The following HACL1 variants were observed in gnomAD, a reference collection of about 807,000 sequenced individuals.
The protein encoded by HACL1 is 2-hydroxyacyl-CoA lyase 1.
Under a neutral mutation model 74.2 loss-of-function variants are expected in HACL1, and 64 were observed. The observed-to-expected ratio is 0.86, with a 90% CI of 0.70 to 1.06. The LOEUF (loss-of-function observed/expected upper bound fraction) is 1.06, where lower values mean the gene tolerates loss of function less well. HACL1 is among the 50% of genes least tolerant of loss of function. The pLI is 0.00. For missense variants in HACL1, 728 were observed against 719.7 expected (o/e 1.01, Z -0.13); for synonymous variants, 230 against 238.8 (o/e 0.96, Z 0.34).
chr3:15,601,526 C>A lies in HACL1; in HGVS notation c.-63G>T, dbSNP rs192164652. On this transcript the variant is annotated 5_prime_UTR_variant, in exon 1 of 17. Transcript: ENST00000321169. ...AAACAAGCGGAATCATCCAGCAAGG[C>A]AAACGCGAAATCGGCAGCACGCCAC... 1.2e-4 allele frequency: 190 copies of A among 1,608,464 alleles called. No individual in the cohort carries two copies. The highest frequency in any genetic ancestry group is 1.6e-4 in the Middle Eastern group (1 of 6,082).
chr3:15,564,603 A>G lies in HACL1; in HGVS notation c.1465T>C (p.Phe489Leu). The change falls in exon 15 of 17, where the codon TTT becomes CTT. Residue 489 changes from phenylalanine (F) to leucine (L), a missense_variant. Physicochemically the swap from Phe to Leu is conservative, Grantham distance 22 (BLOSUM62 0). Coordinates refer to ENST00000321169, the MANE Select transcript of HACL1 (RefSeq NM_012260.4). ...VVNNNGIYQG[F>L]DTDTWKEMLK... is the part of the protein sequence containing the mutation. ...ATTTCTTTCCAAGTATCTGTATCAA[A>G]ACCTTGGTAAATTCCATTGTTATTC... The G allele has an allele frequency of 6.3e-7, 1 of 1,582,756 alleles. No homozygotes were observed. The highest frequency in any genetic ancestry group is 8.7e-7 in the Non-Finnish European group (1 of 1,153,966).
intron 7 of HACL1, among the ~76,000 whole-genome samples, chr3:15,583,348 T>A (rs925062858): frequency 3.3e-5 from 5 of 152,218 alleles, no homozygotes; most frequent in African/African-American, 1.2e-4. Flanking sequence ...AAATGGCCAA[T>A]TCATTAACAG....
At position 15,586,713 on chromosome 3, in the gene HACL1, A is replaced by G. The variant is rs2063801504; in HGVS notation, c.382-111T>C. The G allele has an allele frequency of 4.5e-6, 3 of 673,912 alleles. No individual in the cohort carries two copies. In the South Asian group the frequency reaches 5.3e-5, roughly 12 times the overall value. The allele number at this position is 673,912 out of a possible 1,614,324, so 41.7% of individuals were successfully genotyped here. On this transcript the variant is annotated intron_variant, in intron 5 of 16. Coordinates refer to ENST00000321169, the MANE Select transcript of HACL1 (RefSeq NM_012260.4). Reference sequence around the variant, plus strand: ...TCTTTTATGTTTAGAGGCAAGATGGAGAAAATATATTGCCTAGACTGTCCC... The same window carrying G: ...TCTTTTATGTTTAGAGGCAAGATGGGGAAAATATATTGCCTAGACTGTCCC...
intron 3 of HACL1, among the ~76,000 whole-genome samples, chr3:15,593,794 G>GTTTTTTTTTTT (rs1559563174): frequency 8.6e-6 from 1 of 116,654 alleles, no homozygotes; most frequent in Admixed American, 8.5e-5. Context: ...TTTTTTTTTT[G>GTTTTTTTTTTT]TCTTTTTTTT....
In HACL1 at chr3:15,585,278, A is replaced by C; in HGVS notation, c.524T>G (p.Val175Gly). Residue 175 changes from valine (V) to glycine (G), a missense_variant, in exon 7 of 17, where the codon GTG becomes GGG. Val to Gly is a moderately radical substitution (Grantham distance 109). Transcript: ENST00000321169. ...ACYVDIPADF[V>G]NLQVNVNSIK... ...AGAATTCACATTCACCTGAAGGTTC[A>C]CAAAATCTGCTGGTATGTCAACATA... 1.3e-6 allele frequency: 2 copies of C among 1,599,488 alleles called. No individual in the cohort carries two copies. Among genetic ancestry groups the C allele is most frequent in the Non-Finnish European group, 1.7e-6 (2 of 1,166,698 alleles).
At position 15,596,414 on chromosome 3, in the gene HACL1, G is replaced by A; in HGVS notation, c.197C>T (p.Ala66Val). 6.3e-7 allele frequency: 1 copy of A among 1,597,364 alleles called. No individual in the cohort carries two copies. Among genetic ancestry groups the A allele is most frequent in the Non-Finnish European group, 8.6e-7 (1 of 1,164,932 alleles). ...TGTCAGATATCCAATCGCGGAGGCA[G>A]CATAACAAGCCTACGAGAAAACAAC... ...GMRNEQAACY[A>V]ASAIGYLTSR... is the part of the protein sequence containing the mutation. Residue 66 changes from alanine (A) to valine (V), a missense_variant, in exon 3 of 17, where the codon GCT (alanine) becomes GTT (valine). Transcript: ENST00000321169.
intron 3 of HACL1, among the ~76,000 whole-genome samples, chr3:15,595,196 CATTA>C (rs1417523919): frequency 6.6e-6 from 1 of 151,958 alleles, no homozygotes; most frequent in African/African-American, 2.4e-5. Context: ...TACATTAAGG[CATTA>C]ATTAATAACT....
chr3:15,579,593 T>G (rs1415191129), intron 9 of HACL1, among the ~76,000 whole-genome samples: 1 of 152,254 alleles, frequency 6.6e-6, no homozygotes, highest in South Asian at 2.1e-4. Flanking sequence ...ATATTCAAGA[T>G]TTGAGAATCC....
chr3:15,592,306 A>G (rs1373273362), intron 3 of HACL1, among the ~76,000 whole-genome samples: 1 of 143,796 alleles, frequency 7.0e-6, no homozygotes, highest in Admixed American at 7.2e-5. Flanking sequence ...ATACGTATAT[A>G]TATGTATACA....
chr3:15,585,839 T>C (rs918197403), intron 6 of HACL1, among the ~76,000 whole-genome samples: 3 of 152,176 alleles, frequency 2.0e-5, no homozygotes, highest in African/African-American at 7.2e-5. Flanking sequence ...TCTTCCAAAA[T>C]GTGAAACTTA....
intron 12 of HACL1, among the ~76,000 whole-genome samples, chr3:15,570,253 T>C (rs1347235153): frequency 6.6e-6 from 1 of 150,850 alleles, no homozygotes; most frequent in Non-Finnish European, 1.5e-5. Flanking sequence ...GAGAATTGCT[T>C]AAACCTGCGA....
intron 16 of HACL1, among the ~76,000 whole-genome samples, chr3:15,562,645 G>A (rs1352905227): frequency 6.6e-6 from 1 of 152,142 alleles, no homozygotes; most frequent in Admixed American, 6.6e-5. Flanking sequence ...GGTTATATGA[G>A]GCGGCAAGTG....
At chr3:15,588,681 T>C (rs1366395926) in intron 5 of HACL1, among the ~76,000 whole-genome samples, 1 of 152,162 alleles carries the variant, frequency 6.6e-6, no homozygotes, top group Non-Finnish European at 1.5e-5. Flanking sequence ...ACATTTGGGC[T>C]CCAGCAATTC....
intron 5 of HACL1, among the ~76,000 whole-genome samples, chr3:15,587,608 GT>G (rs1213200902): frequency 2.6e-5 from 4 of 152,082 alleles, no homozygotes. Context: ...CATTTATCCT[GT>G]TTTCTTTTTC....
chr3:15,586,466 A>G (rs1332863946), intron 6 of HACL1, 59 bp downstream of exon 6: 1 of 854,212 alleles, frequency 1.2e-6, no homozygotes, highest in Non-Finnish European at 2.0e-6. Context: ...AAATAACAGT[A>G]AGTATGAGCA....
Position 15,568,438 on chromosome 3 carries a change from C to A in HACL1, c.1244G>T (p.Arg415Leu), listed in dbSNP as rs756546304. 6 of 1,579,320 alleles carry A rather than the reference C, an allele frequency of 3.8e-6. No homozygotes were observed. In the Admixed American group the frequency reaches 5.5e-5, roughly 15 times the overall value. ...GRTVLQNYLP[R>L]HRLDAGTFGT... Reference sequence around the variant, plus strand: ...TCTTCTTTAGAAGTCTTACCTGTGACGAGGAAGGTAGTTCTGAAGCACAGT... The same window carrying A: ...TCTTCTTTAGAAGTCTTACCTGTGAAGAGGAAGGTAGTTCTGAAGCACAGT... Residue 415 changes from arginine (R) to leucine (L), a missense_variant, in exon 13 of 17, where the codon CGT (arginine) becomes CTT (leucine). Physicochemically the swap from Arg to Leu is moderately radical, Grantham distance 102. Transcript: ENST00000321169.
At chr3:15,580,598 T>C (rs1458075582) in intron 8 of HACL1, among the ~76,000 whole-genome samples, 1 of 152,222 alleles carries the variant, frequency 6.6e-6, no homozygotes, top group Non-Finnish European at 1.5e-5. Context: ...CTCACAGCTC[T>C]TGCTACTGTC....
intron 10 of HACL1, among the ~76,000 whole-genome samples, chr3:15,574,098 G>A (rs936194885): frequency 2.6e-5 from 4 of 152,208 alleles, no homozygotes; most frequent in African/African-American, 9.6e-5. Flanking sequence ...AAGCACAGTG[G>A]CTCAAGTCTG....
chr3:15,563,975 A>T (rs2063389538), intron 15 of HACL1, among the ~76,000 whole-genome samples: 1 of 150,282 alleles, frequency 6.7e-6, no homozygotes, highest in African/African-American at 2.5e-5. Flanking sequence ...GAAAAACATG[A>T]AAAAAAAAGA....
Sources: allele counts gnomAD v4.1 joint callset (sites outside exome capture counted in the v4.1 genomes callset), GRCh38; gene constraint gnomAD v4.1.1; transcripts MANE v1.5; gene names NCBI Gene and HGNC (gene_info 2026-07-23, HGNC 2026-07-21).